Variants in NAV2 observed in about 807,000 individuals in gnomAD.
The protein encoded by NAV2 is helicase, APC down-regulated 1.
A neutral mutation model predicts 223.2 loss-of-function variants in NAV2; 54 were observed. The observed-to-expected ratio is 0.24, with a 90% CI of 0.19 to 0.30. NAV2 has a LOEUF of 0.30. NAV2 is among the 10% of genes least tolerant of loss of function. NAV2 has a pLI of 1.00. For missense variants in NAV2, 2,806 were observed against 3,147.5 expected, an observed-to-expected ratio of 0.89 and a Z score of 2.60; for synonymous variants, 1,279 against 1,239.3, an observed-to-expected ratio of 1.03 and a Z score of -0.67.
intron 11 of NAV2, among the ~76,000 whole-genome samples, chr11:19,997,634 G>A (rs1167560799): frequency 6.6e-6 from 1 of 152,136 alleles, no homozygotes; most frequent in Non-Finnish European, 1.5e-5. Context: ...GGCTCAGTGA[G>A]CTTATGTGAC....
chr11:19,948,841 T>G lies in NAV2; in HGVS notation c.2406T>G (p.Asn802Lys), dbSNP rs202166409. 16 of 1,613,818 alleles carry G rather than the reference T, an allele frequency of 9.9e-6. No individual in the cohort carries two copies. Among genetic ancestry groups the G allele is most frequent in the Non-Finnish European group, 1.2e-5 (14 of 1,180,000 alleles). Reference protein sequence around the residue: ...LQAGDAPSMGNGYPPRANASR... With the variant: ...LQAGDAPSMGKGYPPRANASR... Reference sequence around the variant, plus strand: ...CAGGAGACGCCCCCTCAATGGGCAATGGGTATCCCCCTCGAGCCAACGCCA... The same window carrying G: ...CAGGAGACGCCCCCTCAATGGGCAAGGGGTATCCCCCTCGAGCCAACGCCA... The change falls in exon 10 of 38, where the codon AAT (asparagine) becomes AAG (lysine). Residue 802 changes from asparagine (N) to lysine (K), a missense_variant. Physicochemically the swap from Asn to Lys is moderately conservative, Grantham distance 94. This residue lies in a region of NAV2 where 1,167 missense variants were observed against 1,180.5 expected (regional missense o/e 0.99). Coordinates refer to ENST00000349880, the MANE Select transcript of NAV2 (RefSeq NM_145117.5).
At chr11:19,644,918 T>A (rs1206442789) in intron 1 of NAV2, among the ~76,000 whole-genome samples, 1 of 152,220 alleles carries the variant, frequency 6.6e-6, no homozygotes, top group Non-Finnish European at 1.5e-5. Flanking sequence ...AGTTGCTTGG[T>A]TGTGGTTGCC....
intron 1 of NAV2, among the ~76,000 whole-genome samples, chr11:19,512,433 C>T (rs1295416646): frequency 6.6e-6 from 1 of 152,162 alleles, no homozygotes; most frequent in Non-Finnish European, 1.5e-5. Context: ...TGCCAACTAC[C>T]AATGGCCCAT....
intron 1 of NAV2, among the ~76,000 whole-genome samples, chr11:19,766,667 A>G (rs539429235): frequency 6.6e-6 from 1 of 152,226 alleles, no homozygotes; most frequent in East Asian, 1.9e-4. Flanking sequence ...GAGCCACTTT[A>G]TGGAGCATGG....
At chr11:19,738,432 G>A (rs894600541) in intron 1 of NAV2, among the ~76,000 whole-genome samples, 2 of 152,242 alleles carry the variant, frequency 1.3e-5, no homozygotes, top group African/African-American at 4.8e-5. Flanking sequence ...ACATCCAGGA[G>A]ATGAAAAGAT....
rs140706274 is a variant in NAV2 at position 20,044,189 on chromosome 11, G to A, written c.3116G>A (p.Arg1039Gln). ...PVISQTGSWRRGMTAQVGITM... is the reference protein window; with the variant it reads ...PVISQTGSWRQGMTAQVGITM... Reference sequence around the variant, plus strand: ...ATCTCCCAGACAGGCTCATGGCGGCGAGGCATGACAGCTCAGGTGGGCATC... The same window carrying A: ...ATCTCCCAGACAGGCTCATGGCGGCAAGGCATGACAGCTCAGGTGGGCATC... Residue 1039 changes from arginine to glutamine, a missense_variant, in exon 13 of 38, where the codon CGA (arginine) becomes CAA (glutamine). Physicochemically the swap from Arg to Gln is conservative, Grantham distance 43. Coordinates refer to ENST00000349880, the MANE Select transcript of NAV2 (RefSeq NM_145117.5). 138 of 1,614,166 alleles carry A rather than the reference G, an allele frequency of 8.5e-5. No individual in the cohort carries two copies. The African/African-American group carries it at 1.5e-3, about 17-fold the overall frequency.
At chr11:19,570,718 T>C (rs1203569103) in intron 1 of NAV2, among the ~76,000 whole-genome samples, 1 of 152,042 alleles carries the variant, frequency 6.6e-6, no homozygotes, top group East Asian at 1.9e-4. Flanking sequence ...GACAAACAAG[T>C]CAAAACCGCC....
At chr11:19,885,745 G>T (rs955935863) in intron 5 of NAV2, among the ~76,000 whole-genome samples, 3 of 152,190 alleles carry the variant, frequency 2.0e-5, no homozygotes, top group African/African-American at 7.2e-5. Context: ...AGATATCCAA[G>T]TGAAGTGTAC....
intron 10 of NAV2, among the ~76,000 whole-genome samples, chr11:19,955,316 G>A (rs1469870721): frequency 6.6e-6 from 1 of 152,088 alleles, no homozygotes; most frequent in Admixed American, 6.6e-5. Context: ...CTTGAGTCCA[G>A]GAGGTTGAGG....
At chr11:19,432,003 G>T (rs1433076373) in intron 1 of NAV2, among the ~76,000 whole-genome samples, 2 of 152,136 alleles carry the variant, frequency 1.3e-5, no homozygotes, top group African/African-American at 4.8e-5. Flanking sequence ...TTCGAGACCA[G>T]CCTGGCCAAC....
At chr11:19,619,454 A>G (rs2046915875) in intron 1 of NAV2, among the ~76,000 whole-genome samples, 2 of 152,106 alleles carry the variant, frequency 1.3e-5, no homozygotes, top group African/African-American at 2.4e-5. Context: ...TCACCATTCT[A>G]ACTGGTGTGA....
At chr11:19,640,898 C>G (rs1207372386) in intron 1 of NAV2, among the ~76,000 whole-genome samples, 2 of 152,162 alleles carry the variant, frequency 1.3e-5, no homozygotes, top group African/African-American at 4.8e-5. Flanking sequence ...CTGCAGACAC[C>G]AGGGATGTTT....
chr11:19,883,484 G>A (rs1202593424), intron 5 of NAV2, among the ~76,000 whole-genome samples: 1 of 152,134 alleles, frequency 6.6e-6, no homozygotes, highest in African/African-American at 2.4e-5. Flanking sequence ...TCCTCCATCT[G>A]TGTCTACACA....
At chr11:19,828,726 G>A (rs973331531) in intron 1 of NAV2, among the ~76,000 whole-genome samples, 12 of 151,910 alleles carry the variant, frequency 7.9e-5, no homozygotes, top group African/African-American at 2.9e-4. Context: ...CTGGGCTCAA[G>A]TTTGCCTTTA....
intron 37 of NAV2, among the ~76,000 whole-genome samples, chr11:20,115,113 A>C (rs2062948012): frequency 6.6e-6 from 1 of 151,808 alleles, no homozygotes; most frequent in Non-Finnish European, 1.5e-5. Context: ...ATTACCTACT[A>C]TCCTATTACT....
At chr11:19,691,097 G>A (rs1186374674) in intron 1 of NAV2, among the ~76,000 whole-genome samples, 3 of 152,114 alleles carry the variant, frequency 2.0e-5, no homozygotes, top group Non-Finnish European at 4.4e-5. Flanking sequence ...GCTGGAGAGT[G>A]GCCCATGAAT....
intron 1 of NAV2, among the ~76,000 whole-genome samples, chr11:19,497,546 G>T (rs955251785): frequency 2.6e-5 from 4 of 152,096 alleles, no homozygotes; most frequent in African/African-American, 9.7e-5. Context: ...CATTACCCAG[G>T]CTCTCTTCCT....
intron 1 of NAV2, among the ~76,000 whole-genome samples, chr11:19,706,724 T>C (rs1349912422): frequency 6.6e-6 from 1 of 152,260 alleles, no homozygotes; most frequent in Non-Finnish European, 1.5e-5. Flanking sequence ...AATTTATTCC[T>C]TGTATTAATT....
chr11:19,777,074 G>A lies in NAV2; in HGVS notation c.268-55410G>A, dbSNP rs2056292610. Among the ~76,000 whole-genome samples the A allele has an allele frequency of 2.7e-5, 4 of 150,506 alleles. 1 individual carries two copies. In the South Asian group the frequency reaches 6.3e-4, roughly 24 times the overall value. On this transcript the variant is annotated intron_variant, in intron 1 of 37. Coordinates refer to ENST00000349880, the MANE Select transcript of NAV2 (RefSeq NM_145117.5). ...CGGCCCGCGGGCCAGCTAGGGGGCGGGGAACTCACCAGCCGCCGACCCCCC... is the reference window on the plus strand; with the variant it reads ...CGGCCCGCGGGCCAGCTAGGGGGCGAGGAACTCACCAGCCGCCGACCCCCC...
Sources: gnomAD v4.1 joint callset for allele counts (sites outside exome capture counted in the v4.1 genomes callset) on GRCh38, gnomAD v4.1.1 for gene constraint, gnomAD v4.1.1 regional missense constraint, MANE v1.5 for transcripts, NCBI Gene and HGNC (gene_info 2026-07-23, HGNC 2026-07-21) for gene names.